TNFAIP8L3: variants seen among roughly 807,000 people sequenced by gnomAD.
The protein encoded by TNFAIP8L3 is TNF alpha induced protein 8 like 3, also known as tumor necrosis factor alpha-induced protein 8-like protein 3.
TNFAIP8L3 carries 7 observed loss-of-function variants against 11.8 expected under a neutral mutation model. That is an observed-to-expected ratio of 0.59 (90% CI 0.34 to 1.11). TNFAIP8L3 has a LOEUF of 1.11. TNFAIP8L3 is among the 50% of genes most tolerant of loss of function. The probability of loss-of-function intolerance (pLI) is 0.03; values close to 1 mark genes in which losing one functional copy is unlikely to be tolerated. For synonymous variants in TNFAIP8L3, 98 were observed against 103.8 expected, an observed-to-expected ratio of 0.94 and a Z score of 0.34; for missense variants, 219 against 258.6, an observed-to-expected ratio of 0.85 and a Z score of 1.05.
At position 51,066,383 on chromosome 15, in the gene TNFAIP8L3, C is replaced by T. The variant is rs1372687324; in HGVS notation, c.53-7940G>A. ...TCAACATGTTGGCCAGGCTGGTCTACGAACTCCTGACCTCGTGATCCACCC... is the reference window on the plus strand; with the variant it reads ...TCAACATGTTGGCCAGGCTGGTCTATGAACTCCTGACCTCGTGATCCACCC... On this transcript the variant is annotated intron_variant, in intron 1 of 1. Transcript: ENST00000637513. 5.3e-5 allele frequency among the ~76,000 whole-genome samples: 8 copies of T among 152,084 alleles called. No individual in the cohort carries two copies. The South Asian group carries it at 1.2e-3, about 24-fold the overall frequency.
At chr15:51,084,916 T>C (rs780827721) in intron 1 of TNFAIP8L3, among the ~76,000 whole-genome samples, 6 of 152,112 alleles carry the variant, frequency 3.9e-5, no homozygotes, top group Non-Finnish European at 7.3e-5. Flanking sequence ...TTAAGGGACA[T>C]AGTTAGGAAA....
chr15:51,083,582 T>G (rs1356912359), intron 1 of TNFAIP8L3, among the ~76,000 whole-genome samples: 2 of 152,236 alleles, frequency 1.3e-5, no homozygotes, highest in African/African-American at 4.8e-5. Flanking sequence ...CCAAGATGGC[T>G]GAGTCCACAG....
intron 1 of TNFAIP8L3, among the ~76,000 whole-genome samples, chr15:51,091,344 T>G (rs183661824): frequency 9.9e-5 from 15 of 152,150 alleles, no homozygotes; most frequent in Admixed American, 9.8e-4. Flanking sequence ...CAGTAAAAAG[T>G]GAGTTGTCTT....
chr15:51,089,771 A>G (rs978697138), intron 1 of TNFAIP8L3, among the ~76,000 whole-genome samples: 4 of 152,252 alleles, frequency 2.6e-5, no homozygotes, highest in African/African-American at 9.6e-5. Flanking sequence ...TCCCAGGAAC[A>G]TGAAGAAGCA....
In TNFAIP8L3 at chr15:51,058,076, C is replaced by T. The variant is rs772926818; in HGVS notation, c.420G>A (p.Glu140=). ...CCAGTTCATGCACCAGGTCCTTGCA[C>T]TCATGCAGGAGATTGGAGAGCACGT... ...DRNVLSNLLH[E]CKDLVHELVQ... Residue 140 remains glutamate (E), a synonymous_variant, in exon 2 of 2, where the codon GAG becomes GAA. Transcript: ENST00000637513. 6.2e-7 allele frequency: 1 copy of T among 1,614,106 alleles called. No individual in the cohort carries two copies. The highest frequency in any genetic ancestry group is 8.5e-7 in the Non-Finnish European group (1 of 1,179,996).
At chr15:51,081,413 G>A (rs1029968689) in intron 1 of TNFAIP8L3, among the ~76,000 whole-genome samples, 1 of 152,216 alleles carries the variant, frequency 6.6e-6, no homozygotes, top group Non-Finnish European at 1.5e-5. Flanking sequence ...CAAGAAAGCT[G>A]GGGCAGCCAT....
chr15:51,071,741 G>T (rs1347116960), intron 1 of TNFAIP8L3, among the ~76,000 whole-genome samples: 2 of 152,220 alleles, frequency 1.3e-5, no homozygotes, highest in African/African-American at 4.8e-5. Context: ...CAGCAGCAAG[G>T]GCTGCCAATG....
chr15:51,057,647 TGAAATGTCCTTTGGGCTTGCACACAG>T lies in TNFAIP8L3; in HGVS notation c.*208_*233del. 1 of 480,572 alleles carries T rather than the reference TGAAATGTCCTTTGGGCTTGCACACAG, an allele frequency of 2.1e-6. No homozygotes were observed. Among genetic ancestry groups the T allele is most frequent in the South Asian group, 3.4e-5 (1 of 29,842 alleles). 29.8% of individuals were successfully genotyped at this position (480,572 alleles called of 1,614,324 possible). ...AAACAGCCTTTCTGCTTAGAATAGA[TGAAATGTCCTTTGGGCTTGCACACAG>T]GTGATTTTAAGTAGAAACCTTGCTA... On this transcript the variant is annotated 3_prime_UTR_variant, in exon 2 of 2. Transcript: ENST00000637513.
chr15:51,094,768 C>G lies in TNFAIP8L3; in HGVS notation c.-173G>C. On this transcript the variant is annotated 5_prime_UTR_variant, in exon 1 of 2. Coordinates refer to ENST00000637513, the MANE Select transcript of TNFAIP8L3 (RefSeq NM_001311175.2). The surrounding 1 kb of genome is among the most constrained non-coding windows in gnomAD (Gnocchi z 4.4). ...CAGGGGGCGGCTCCGCAGAGGCGAG[C>G]GCCGCCGCGCCCCGCTCCCCGCGCC... 2.6e-6 allele frequency: 2 copies of G among 776,150 alleles called. No homozygotes were observed. Among genetic ancestry groups the G allele is most frequent in the Non-Finnish European group, 2.8e-6 (2 of 710,208 alleles). 48.1% of individuals were successfully genotyped at this position (776,150 alleles called of 1,614,324 possible). A position where few individuals can be genotyped will look rare whatever the true frequency, so the allele number is the denominator to read the frequency against.
chr15:51,071,503 G>C (rs1055226546), intron 1 of TNFAIP8L3, among the ~76,000 whole-genome samples: 2 of 152,112 alleles, frequency 1.3e-5, no homozygotes, highest in African/African-American at 2.4e-5. Context: ...ATTTCACACA[G>C]AAGGTGTCAT....
chr15:51,072,943 A>G (rs2065320875), intron 1 of TNFAIP8L3, among the ~76,000 whole-genome samples: 1 of 148,448 alleles, frequency 6.7e-6, no homozygotes, highest in Middle Eastern at 3.3e-3. Context: ...GGATAATATG[A>G]TCAAATGCCA....
At chr15:51,078,116 A>C (rs2065367752) in intron 1 of TNFAIP8L3, among the ~76,000 whole-genome samples, 1 of 152,146 alleles carries the variant, frequency 6.6e-6, no homozygotes, top group Non-Finnish European at 1.5e-5. Context: ...GCAGCCCCGG[A>C]AGAGGCCTGA....
At chr15:51,077,204 A>G (rs1301490070) in intron 1 of TNFAIP8L3, among the ~76,000 whole-genome samples, 2 of 152,200 alleles carry the variant, frequency 1.3e-5, no homozygotes, top group Non-Finnish European at 2.9e-5. Flanking sequence ...TGCTCGCCAC[A>G]GAGCGTGCGG....
At position 51,078,409 on chromosome 15, in the gene TNFAIP8L3, G is replaced by C. The variant is rs538404829; in HGVS notation, c.52+16135C>G. Among the ~76,000 whole-genome samples, 7 of 152,184 alleles carry C rather than the reference G, an allele frequency of 4.6e-5. No homozygotes were observed. The South Asian group carries it at 1.2e-3, about 27-fold the overall frequency. ...ACGGCTTACCTGGTCACCAGCAGCA[G>C]GGGACCCTCTGTTGGTCTTGCTTTC... On this transcript the variant is annotated intron_variant, in intron 1 of 1. Transcript: ENST00000637513.
chr15:51,080,140 T>C (rs2065381383), intron 1 of TNFAIP8L3, among the ~76,000 whole-genome samples: 1 of 152,332 alleles, frequency 6.6e-6, no homozygotes, highest in Admixed American at 6.5e-5. Flanking sequence ...ACCTTCCAAT[T>C]TGCTTCTCTT....
intron 1 of TNFAIP8L3, among the ~76,000 whole-genome samples, chr15:51,091,871 G>T (rs942680327): frequency 6.6e-6 from 1 of 152,148 alleles, no homozygotes; most frequent in Non-Finnish European, 1.5e-5. Flanking sequence ...TCATTATTTA[G>T]CAGTATTCTT....
chr15:51,075,486 A>G (rs1450898416), intron 1 of TNFAIP8L3, among the ~76,000 whole-genome samples: 3 of 152,062 alleles, frequency 2.0e-5, no homozygotes, highest in Non-Finnish European at 4.4e-5. Context: ...TTGGAATAGC[A>G]CAGTCCACGT....
At chr15:51,061,867 AT>A (rs1203920804) in intron 1 of TNFAIP8L3, among the ~76,000 whole-genome samples, 2 of 152,190 alleles carry the variant, frequency 1.3e-5, no homozygotes, top group African/African-American at 4.8e-5. Flanking sequence ...GCACCTCTAA[AT>A]AAGAGGGGCA....
chr15:51,078,520 G>A (rs944971817), intron 1 of TNFAIP8L3, among the ~76,000 whole-genome samples: 2 of 151,886 alleles, frequency 1.3e-5, no homozygotes, highest in Non-Finnish European at 2.9e-5. Context: ...GTCCTCCTGA[G>A]CTCACTCAGG....
Sources: allele counts gnomAD v4.1 joint callset (sites outside exome capture counted in the v4.1 genomes callset), GRCh38; gene constraint gnomAD v4.1.1; non-coding constraint Gnocchi (gnomAD v3.1); transcripts MANE v1.5; gene names NCBI Gene and HGNC (gene_info 2026-07-23, HGNC 2026-07-21).